EPB41L4A: variants seen among roughly 807,000 people sequenced by gnomAD.
EPB41L4A encodes the protein band 4.1-like protein 4A.
EPB41L4A carries 100 observed loss-of-function variants against 108.6 expected under a neutral mutation model. The observed-to-expected ratio is 0.92, with a 90% CI of 0.78 to 1.09. The LOEUF (loss-of-function observed/expected upper bound fraction) is 1.09, where lower values mean the gene tolerates loss of function less well. Ranked by LOEUF, EPB41L4A falls within the 50% of genes least tolerant of loss-of-function variation. EPB41L4A has a pLI of 0.00. For synonymous variants in EPB41L4A, 319 were observed against 289.0 expected (o/e 1.10, Z -1.05); for missense variants, 1,030 against 842.7 (o/e 1.22, Z -2.75).
chr5:112,204,823 T>C (rs2150298351), intron 14 of EPB41L4A, among the ~76,000 whole-genome samples: 1 of 152,326 alleles, frequency 6.6e-6, no homozygotes, highest in South Asian at 2.1e-4. Context: ...ACATTCATTA[T>C]CTCAGCTAAT....
chr5:112,272,776 C>T (rs1202727312), intron 4 of EPB41L4A, among the ~76,000 whole-genome samples: 3 of 65,658 alleles, frequency 4.6e-5, no homozygotes, highest in Admixed American at 2.4e-4. Flanking sequence ...AGCAAAACTC[C>T]GTCTCAAAAA....
intron 18 of EPB41L4A, among the ~76,000 whole-genome samples, chr5:112,174,830 G>C (rs1177420690): frequency 1.3e-5 from 2 of 152,098 alleles, no homozygotes; most frequent in Non-Finnish European, 2.9e-5. Context: ...TGGAAAATAT[G>C]TACATTTATA....
chr5:112,232,661 G>A (rs1005764165), intron 12 of EPB41L4A, among the ~76,000 whole-genome samples: 7 of 152,256 alleles, frequency 4.6e-5, no homozygotes, highest in African/African-American at 1.4e-4. Flanking sequence ...AATGATAGAT[G>A]TCATAATGCT....
intron 18 of EPB41L4A, among the ~76,000 whole-genome samples, chr5:112,172,434 C>T (rs188451149): frequency 5.3e-5 from 8 of 151,482 alleles, no homozygotes; most frequent in Non-Finnish European, 1.0e-4. Flanking sequence ...ATCACTTGAA[C>T]CTGGGAGGTG....
At chr5:112,269,819 G>T (rs1045174736) in intron 4 of EPB41L4A, among the ~76,000 whole-genome samples, 1 of 152,162 alleles carries the variant, frequency 6.6e-6, no homozygotes, top group Admixed American at 6.5e-5. Context: ...GAGGCTTCAT[G>T]AAGCAGTTTC....
chr5:112,419,156 A>G lies in EPB41L4A; in HGVS notation c.-117T>C. On this transcript the variant is annotated 5_prime_UTR_variant, in exon 1 of 23. Transcript: ENST00000261486. ...TCCGCGCCGTGGCGAGGGTGAGACG[A>G]GCAGCTCCCGGCGGGGTCCGGGGAC... 1 of 725,210 alleles carries G rather than the reference A, an allele frequency of 1.4e-6. No homozygotes were observed. Among genetic ancestry groups the G allele is most frequent in the Non-Finnish European group, 2.3e-6 (1 of 431,740 alleles). 44.9% of individuals were successfully genotyped at this position (725,210 alleles called of 1,614,324 possible). A position where few individuals can be genotyped will look rare whatever the true frequency, so the allele number is the denominator to read the frequency against.
chr5:112,209,683 G>T (rs982314628), intron 13 of EPB41L4A, among the ~76,000 whole-genome samples: 8 of 152,182 alleles, frequency 5.3e-5, no homozygotes, highest in African/African-American at 1.9e-4. Flanking sequence ...GACAAAAAGA[G>T]CACTTTCTTC....
intron 15 of EPB41L4A, among the ~76,000 whole-genome samples, chr5:112,197,351 G>A (rs1762013726): frequency 6.6e-6 from 1 of 151,964 alleles, no homozygotes; most frequent in Non-Finnish European, 1.5e-5. Context: ...TTAACGTATG[G>A]CTTACGTTAC....
At chr5:112,236,916 T>G (rs1474075192) in intron 11 of EPB41L4A, among the ~76,000 whole-genome samples, 1 of 152,196 alleles carries the variant, frequency 6.6e-6, no homozygotes, top group Non-Finnish European at 1.5e-5. Context: ...TGAAAGCAAC[T>G]GACACAAAGG....
downstream of EPB41L4A, among the ~76,000 whole-genome samples, chr5:112,159,989 C>T (rs1221576212): frequency 6.7e-6 from 1 of 149,940 alleles, no homozygotes; most frequent in African/African-American, 2.5e-5. Flanking sequence ...GCAACCTCCA[C>T]CCCCACCCCG....
chr5:112,260,489 T>A (rs7715098), intron 7 of EPB41L4A, among the ~76,000 whole-genome samples: 1 of 152,204 alleles, frequency 6.6e-6, no homozygotes, highest in African/African-American at 2.4e-5. Context: ...TTATCTCCGA[T>A]GCGGACAATC....
chr5:112,391,983 TA>T (rs1760976012), intron 1 of EPB41L4A, among the ~76,000 whole-genome samples: 1 of 152,140 alleles, frequency 6.6e-6, no homozygotes, highest in South Asian at 2.1e-4. Context: ...CTAAACTTCA[TA>T]AGTGATAGAG....
chr5:112,199,073 TCA>T (rs1157013079), intron 15 of EPB41L4A, among the ~76,000 whole-genome samples: 1 of 152,174 alleles, frequency 6.6e-6, no homozygotes, highest in Non-Finnish European at 1.5e-5. Context: ...ATTAATGGCC[TCA>T]CAGTAATATG....
intron 1 of EPB41L4A, among the ~76,000 whole-genome samples, chr5:112,379,831 C>G (rs1760049474): frequency 6.6e-6 from 1 of 152,164 alleles, no homozygotes; most frequent in African/African-American, 2.4e-5. Flanking sequence ...AATCTAGAAT[C>G]AAGCACTTTT....
At chr5:112,221,717 T>C (rs777533575) in intron 12 of EPB41L4A, among the ~76,000 whole-genome samples, 7 of 152,220 alleles carry the variant, frequency 4.6e-5, no homozygotes, top group Non-Finnish European at 1.0e-4. Context: ...CAATAAATTC[T>C]TGTTGAATAA....
At chr5:112,296,986 T>TATATAC (rs1554093013) in intron 2 of EPB41L4A, among the ~76,000 whole-genome samples, 1 of 126,392 alleles carries the variant, frequency 7.9e-6, no homozygotes, top group African/African-American at 3.7e-5. Flanking sequence ...CATATATACA[T>TATATAC]ACATACACAC....
intron 12 of EPB41L4A, among the ~76,000 whole-genome samples, chr5:112,212,642 G>A (rs1747276955): frequency 6.6e-6 from 1 of 152,056 alleles, no homozygotes; most frequent in Non-Finnish European, 1.5e-5. Flanking sequence ...TTATTTAAAT[G>A]TGGTGGTATT....
intron 16 of EPB41L4A, among the ~76,000 whole-genome samples, chr5:112,195,328 T>C (rs1203015999): frequency 6.6e-6 from 1 of 151,902 alleles, no homozygotes. Context: ...CATGAAATCG[T>C]GAACAAGACG....
chr5:112,305,384 A>C, intron 2 of EPB41L4A, among the ~76,000 whole-genome samples: 1 of 152,108 alleles, frequency 6.6e-6, no homozygotes. Flanking sequence ...CTGCTATGTG[A>C]GGTCCCGAAT....
Sources: allele counts gnomAD v4.1 joint callset (sites outside exome capture counted in the v4.1 genomes callset), GRCh38; gene constraint gnomAD v4.1.1; transcripts MANE v1.5; gene names NCBI Gene and HGNC (gene_info 2026-07-23, HGNC 2026-07-21).